Variants in LARP4B observed in about 807,000 individuals in gnomAD.
LARP4B encodes the protein La ribonucleoprotein 4B.
A neutral mutation model predicts 89.8 loss-of-function variants in LARP4B; 12 were observed. That is an observed-to-expected ratio of 0.13 (90% CI 0.09 to 0.22). LARP4B has a LOEUF of 0.22. Among genes scored for constraint, LARP4B ranks in the 10% least tolerant of loss-of-function variants. The pLI, the probability that LARP4B is intolerant of heterozygous loss-of-function variation, is 1.00. For missense variants in LARP4B, 757 were observed against 947.7 expected, an observed-to-expected ratio of 0.80 and a Z score of 2.64; for synonymous variants, 367 against 363.3, an observed-to-expected ratio of 1.01 and a Z score of -0.12.
intron 13 of LARP4B, among the ~76,000 whole-genome samples, chr10:824,690 G>T (rs2131634741): frequency 1.3e-5 from 2 of 152,340 alleles, no homozygotes; most frequent in African/African-American, 4.8e-5. Context: ...GCAGTGCCTG[G>T]TGCACACCCA....
chr10:814,259 A>G lies in LARP4B; in HGVS notation c.1929+483T>C, dbSNP rs1040721885. On this transcript the variant is annotated intron_variant, in intron 17 of 17. Coordinates refer to ENST00000316157, the MANE Select transcript of LARP4B (RefSeq NM_015155.3). The surrounding 1 kb of genome is among the most constrained non-coding windows in gnomAD (Gnocchi z 4.4). Reference sequence around the variant, plus strand: ...ACTACAGAGGCCACAACTCAGAGTAAGAGAGGCCACAGTTCACCCAGTAGG... The same window carrying G: ...ACTACAGAGGCCACAACTCAGAGTAGGAGAGGCCACAGTTCACCCAGTAGG... Among the ~76,000 whole-genome samples the G allele has an allele frequency of 2.6e-5, 4 of 152,118 alleles. No homozygotes were observed. Among genetic ancestry groups the G allele is most frequent in the Admixed American group, 6.5e-5 (1 of 15,274 alleles).
At chr10:820,734 A>T in intron 14 of LARP4B, 66 bp downstream of exon 14, 1 of 1,373,496 alleles carries the variant, frequency 7.3e-7, no homozygotes, top group East Asian at 2.3e-5. Flanking sequence ...CATTTAATTA[A>T]ATCTCAGGTT....
intron 11 of LARP4B, among the ~76,000 whole-genome samples, chr10:826,305 G>A (rs1832618219): frequency 6.6e-6 from 1 of 152,150 alleles, no homozygotes; most frequent in Non-Finnish European, 1.5e-5. Context: ...CTGCTCACTC[G>A]GCTTCATCCA....
intron 13 of LARP4B, 45 bp from the exon 14 acceptor site, chr10:820,890 G>T: frequency 6.3e-7 from 1 of 1,575,646 alleles, no homozygotes; most frequent in South Asian, 1.1e-5. Flanking sequence ...TTCCCACTTG[G>T]AGAATTTATT....
the LARP4B span, chr10:942,224 C>T: frequency 6.6e-6 from 1 of 152,158 alleles, no homozygotes; most frequent in Non-Finnish European, 1.5e-5. Flanking sequence ...ATGGAGACAG[C>T]TCAGGAATGG....
the LARP4B span, among the ~76,000 whole-genome samples, chr10:961,592 G>T: frequency 7.2e-6 from 1 of 138,418 alleles, no homozygotes; most frequent in Non-Finnish European, 1.5e-5. Context: ...CCTCGGGAAG[G>T]TCCACTCATG....
At chr10:981,250 T>C in the LARP4B span, among the ~76,000 whole-genome samples, 1 of 152,264 alleles carries the variant, frequency 6.6e-6, no homozygotes, top group Non-Finnish European at 1.5e-5. Flanking sequence ...TCACAACCAC[T>C]GAACCAGTCT....
At chr10:846,965 G>C (rs772662443) in intron 5 of LARP4B, among the ~76,000 whole-genome samples, 1 of 152,180 alleles carries the variant, frequency 6.6e-6, no homozygotes, top group East Asian at 1.9e-4. Context: ...ACATGACACA[G>C]TAGAGCCAGG....
intron 1 of LARP4B, among the ~76,000 whole-genome samples, chr10:918,933 T>C (rs1203786593): frequency 6.6e-6 from 1 of 151,540 alleles, no homozygotes; most frequent in African/African-American, 2.4e-5. Context: ...ACAAAAAAAT[T>C]AGCTGGGCGT....
intron 3 of LARP4B, among the ~76,000 whole-genome samples, chr10:879,661 T>A (rs1835593228): frequency 6.6e-6 from 1 of 152,136 alleles, no homozygotes; most frequent in Non-Finnish European, 1.5e-5. Flanking sequence ...CCATGCCTGT[T>A]CTTTTTTGCT....
At position 811,208 on chromosome 10, in the gene LARP4B, A is replaced by G. The variant is rs756475199; in HGVS notation, c.*1718T>C. On this transcript the variant is annotated 3_prime_UTR_variant, in exon 18 of 18. Transcript: ENST00000316157. ...AAAAAAGAAAATCTCAACAAATCAA[A>G]ATAATATTCAAACCACAACATTTAG... The G allele has an allele frequency of 1.3e-5, 2 of 152,666 alleles. No individual in the cohort carries two copies. Among genetic ancestry groups the G allele is most frequent in the Non-Finnish European group, 1.5e-5 (1 of 68,046 alleles). The allele number at this position is 152,666 out of a possible 1,614,324, so 9.5% of individuals were successfully genotyped here. A position where few individuals can be genotyped will look rare whatever the true frequency, so the allele number is the denominator to read the frequency against.
chr10:915,789 C>T (rs374430646), intron 1 of LARP4B, among the ~76,000 whole-genome samples: 23 of 148,484 alleles, frequency 1.5e-4, no homozygotes, highest in Middle Eastern at 3.5e-3. Flanking sequence ...GCCCAGATGG[C>T]GCCACTGCAT....
intron 9 of LARP4B, among the ~76,000 whole-genome samples, chr10:830,190 C>A (rs547197510): frequency 6.6e-6 from 1 of 152,144 alleles, no homozygotes; most frequent in African/African-American, 2.4e-5. Context: ...CTACATTAAA[C>A]CCCTATAAAA....
intron 5 of LARP4B, among the ~76,000 whole-genome samples, chr10:854,150 C>T (rs1050820014): frequency 6.6e-6 from 1 of 152,206 alleles, no homozygotes; most frequent in Non-Finnish European, 1.5e-5. Context: ...TGCAGCAATT[C>T]AGTCATATTT....
At chr10:826,747 C>T (rs1177401987) in intron 11 of LARP4B, among the ~76,000 whole-genome samples, 1 of 152,142 alleles carries the variant, frequency 6.6e-6, no homozygotes, top group Admixed American at 6.5e-5. Flanking sequence ...CCAGTCCACA[C>T]CCTCAATGTC....
intron 3 of LARP4B, among the ~76,000 whole-genome samples, chr10:881,145 C>T (rs1304223084): frequency 6.6e-5 from 10 of 152,182 alleles, no homozygotes; most frequent in Admixed American, 3.3e-4. Context: ...TTTAACCAAA[C>T]GACACTGTTG....
intron 5 of LARP4B, among the ~76,000 whole-genome samples, chr10:862,997 CA>C (rs1834702392): frequency 1.3e-5 from 2 of 152,160 alleles, no homozygotes; most frequent in Non-Finnish European, 2.9e-5. Context: ...TTACCTTCCC[CA>C]AACAACTTAT....
intron 3 of LARP4B, among the ~76,000 whole-genome samples, chr10:865,885 G>A (rs893357488): frequency 2.0e-5 from 3 of 152,188 alleles, no homozygotes; most frequent in African/African-American, 7.2e-5. Context: ...CAAGCTGGGA[G>A]CAGTTACACT....
intron 14 of LARP4B, chr10:818,914 G>A (rs1326454004): frequency 1.3e-5 from 2 of 152,234 alleles, no homozygotes; most frequent in Non-Finnish European, 2.9e-5. Context: ...AGTGAAAGCA[G>A]GTCAAAGGAT....
Sources: allele counts gnomAD v4.1 joint callset (sites outside exome capture counted in the v4.1 genomes callset), GRCh38; gene constraint gnomAD v4.1.1; non-coding constraint Gnocchi (gnomAD v3.1); transcripts MANE v1.5; gene names NCBI Gene and HGNC (gene_info 2026-07-23, HGNC 2026-07-21).